The following PCDHB16 variants were observed in gnomAD, a reference collection of about 807,000 sequenced individuals.
PCDHB16 encodes protocadherin beta-16.
For missense variants in PCDHB16, 1,026 were observed against 989.9 expected, an observed-to-expected ratio of 1.04 and a Z score of -0.49; for synonymous variants, 444 against 436.5, an observed-to-expected ratio of 1.02 and a Z score of -0.21.
In PCDHB16 at chr5:141,185,695, G is replaced by C. The variant is rs951460721; in HGVS notation, c.*805G>C. On this transcript the variant is annotated 3_prime_UTR_variant, in exon 1 of 1. Transcript: ENST00000609684. ...TGGGATTACAGGCATAAGCCAATGT[G>C]CCCATCCAAAGTTTTATTTATTTAT... 1 of 994,654 alleles carries C rather than the reference G, an allele frequency of 1.0e-6. No homozygotes were observed. Among genetic ancestry groups the C allele is most frequent in the Admixed American group, 6.2e-5 (1 of 16,248 alleles). 61.6% of individuals were successfully genotyped at this position (994,654 alleles called of 1,614,324 possible). A position where few individuals can be genotyped will look rare whatever the true frequency, so the allele number is the denominator to read the frequency against.
chr5:141,183,299 A>G lies in PCDHB16; in HGVS notation c.740A>G (p.Tyr247Cys), dbSNP rs1554282118. ...DNAPEFEQPIYKVQIPENSPL... is the reference protein window; with the variant it reads ...DNAPEFEQPICKVQIPENSPL... ...GCTCCTGAGTTTGAGCAGCCCATCT[A>G]CAAAGTGCAGATTCCAGAGAACAGT... The change falls in exon 1 of 1, where the codon TAC becomes TGC. Residue 247 changes from tyrosine (Y) to cysteine (C), a missense_variant. Tyr to Cys is a radical substitution (Grantham distance 194, BLOSUM62 -2). Transcript: ENST00000609684. 3 of 1,614,190 alleles carry G rather than the reference A, an allele frequency of 1.9e-6. No homozygotes were observed. The highest frequency in any genetic ancestry group is 1.1e-5 in the South Asian group (1 of 91,084).
chr5:141,183,216 T>C lies in PCDHB16; in HGVS notation c.657T>C (p.Ser219=), dbSNP rs1306779075. Residue 219 remains serine (S), a synonymous_variant, in exon 1 of 1, where the codon TCT becomes TCC. Coordinates refer to ENST00000609684, the MANE Select transcript of PCDHB16 (RefSeq NM_020957.4). ...CCCTGACAGCGCTGGATGGTGGCTC[T>C]CCACCGCGATCTGGAACTGCTCAGG... ...RLTLTALDGG[S]PPRSGTAQVR... 3.7e-6 allele frequency: 6 copies of C among 1,613,970 alleles called. No homozygotes were observed. The African/African-American group carries it at 8.0e-5, about 22-fold the overall frequency.
chr5:141,183,090 T>C lies in PCDHB16; in HGVS notation c.531T>C (p.His177=). ...ACTATAAAATCAGCCCAAGCTCTCA[T>C]TTCCGGGTTCTAATCCATGAATTCA... The part of the protein sequence containing the change: ...VQNYKISPSS[H]FRVLIHEFRD... The change falls in exon 1 of 1, where the codon CAT becomes CAC. Residue 177 remains histidine (H), a synonymous_variant. Coordinates refer to ENST00000609684, the MANE Select transcript of PCDHB16 (RefSeq NM_020957.4). 2 of 1,614,204 alleles carry C rather than the reference T, an allele frequency of 1.2e-6. No individual in the cohort carries two copies. The highest frequency in any genetic ancestry group is 1.7e-6 in the Non-Finnish European group (2 of 1,180,036).
Position 141,183,515 on chromosome 5 carries a change from T to A in PCDHB16, c.956T>A (p.Ile319Asn). ...ATGGTTACGTCTTATGAAGTGCGCA[T>A]CAAAGCCACAGATGGGGGAGGTCTT... Reference protein sequence around the residue: ...FEMVTSYEVRIKATDGGGLSG... With the variant: ...FEMVTSYEVRNKATDGGGLSG... The change falls in exon 1 of 1, where the codon ATC (isoleucine) becomes AAC (asparagine). Residue 319 changes from isoleucine to asparagine, a missense_variant. By Grantham distance (149) the Ile-to-Asn change is moderately radical. Transcript: ENST00000609684. 1 of 1,614,180 alleles carries A rather than the reference T, an allele frequency of 6.2e-7. No individual in the cohort carries two copies. Among genetic ancestry groups the A allele is most frequent in the South Asian group, 1.1e-5 (1 of 91,084 alleles).
chr5:141,184,030 C>T lies in PCDHB16; in HGVS notation c.1471C>T (p.Leu491=). Residue 491 remains leucine, a synonymous_variant, in exon 1 of 1, where the codon CTG becomes TTG. Transcript: ENST00000609684. ...GTNAQVTYSL[L]PPQDPHLPLA... ...CAACGCCCAGGTCACCTACTCGCTG[C>T]TGCCGCCCCAAGACCCGCACCTGCC... 1.2e-6 allele frequency: 2 copies of T among 1,604,852 alleles called. No individual in the cohort carries two copies. Among genetic ancestry groups the T allele is most frequent in the South Asian group, 2.2e-5 (2 of 90,522 alleles).
In PCDHB16 at chr5:141,184,822, C is replaced by T; in HGVS notation, c.2263C>T (p.Leu755=). The part of the protein sequence containing the change: ...LSQSYQYEVC[L]TGGSETSEFK... ...CCAGAGCTACCAATACGAGGTGTGT[C>T]TGACAGGAGGCTCAGAAACAAGTGA... The change falls in exon 1 of 1, where the codon CTG becomes TTG. Residue 755 remains leucine, a synonymous_variant. Transcript: ENST00000609684. The T allele has an allele frequency of 6.2e-7, 1 of 1,614,192 alleles. No individual in the cohort carries two copies. Among genetic ancestry groups the T allele is most frequent in the Non-Finnish European group, 8.5e-7 (1 of 1,180,036 alleles).
Position 141,183,812 on chromosome 5 carries a change from A to G in PCDHB16, c.1253A>G (p.Asn418Ser). The change falls in exon 1 of 1, where the codon AAT becomes AGT. Residue 418 changes from asparagine (N) to serine (S), a missense_variant. By Grantham distance (46) the Asn-to-Ser change is conservative. Coordinates refer to ENST00000609684, the MANE Select transcript of PCDHB16 (RefSeq NM_020957.4). Reference sequence around the variant, plus strand: ...GACAGAGAAGCAAGAGCTGAATATAATATCACCCTCACCGTCACAGATATG... The same window carrying G: ...GACAGAGAAGCAAGAGCTGAATATAGTATCACCCTCACCGTCACAGATATG... ...ALDREARAEYNITLTVTDMGT... is the reference protein window; with the variant it reads ...ALDREARAEYSITLTVTDMGT... The G allele has an allele frequency of 1.2e-6, 2 of 1,614,224 alleles. No homozygotes were observed. The highest frequency in any genetic ancestry group is 1.7e-6 in the Non-Finnish European group (2 of 1,180,028).
In PCDHB16 at chr5:141,182,535, T is replaced by G; in HGVS notation, c.-25T>G. The G allele has an allele frequency of 6.6e-7, 1 of 1,509,822 alleles. No individual in the cohort carries two copies. Among genetic ancestry groups the G allele is most frequent in the Non-Finnish European group, 8.8e-7 (1 of 1,130,012 alleles). The allele number at this position is 1,509,822 out of a possible 1,614,324, so 93.5% of individuals were successfully genotyped here. A position where few individuals can be genotyped will look rare whatever the true frequency, so the allele number is the denominator to read the frequency against. On this transcript the variant is annotated 5_prime_UTR_variant, in exon 1 of 1. The change abolishes the stop of an existing upstream ORF in the 5' untranslated region. Coordinates refer to ENST00000609684, the MANE Select transcript of PCDHB16 (RefSeq NM_020957.4). The stretch of plus-strand genomic sequence containing the variant: ...ATCCTGGGGATACATGAAGCTTCTG[T>G]GAACCAACTTTTCAAGAAAAAGCAA...
In PCDHB16 at chr5:141,184,993, G is replaced by T; in HGVS notation, c.*103G>T. On this transcript the variant is annotated 3_prime_UTR_variant, in exon 1 of 1. Coordinates refer to ENST00000609684, the MANE Select transcript of PCDHB16 (RefSeq NM_020957.4). ...ATAAATTCCTTAACTTCTTATGATTGTCTTGTTGATTAAATTGTTCATGCT... is the reference window on the plus strand; with the variant it reads ...ATAAATTCCTTAACTTCTTATGATTTTCTTGTTGATTAAATTGTTCATGCT... The T allele has an allele frequency of 6.7e-7, 1 of 1,493,790 alleles. No homozygotes were observed. The highest frequency in any genetic ancestry group is 1.4e-5 in the South Asian group (1 of 71,690). 92.5% of individuals were successfully genotyped at this position (1,493,790 alleles called of 1,614,324 possible). A position where few individuals can be genotyped will look rare whatever the true frequency, so the allele number is the denominator to read the frequency against.
chr5:141,185,615 C>T lies in PCDHB16; in HGVS notation c.*725C>T. Reference sequence around the variant, plus strand: ...ATGGGATTTTGCCAAGTTGCCCAGGCTGATCTTGAACTCCTGGGCTCAAGC... The same window carrying T: ...ATGGGATTTTGCCAAGTTGCCCAGGTTGATCTTGAACTCCTGGGCTCAAGC... On this transcript the variant is annotated 3_prime_UTR_variant, in exon 1 of 1. Coordinates refer to ENST00000609684, the MANE Select transcript of PCDHB16 (RefSeq NM_020957.4). The T allele has an allele frequency of 1.7e-6, 1 of 577,838 alleles. No individual in the cohort carries two copies. The highest frequency in any genetic ancestry group is 2.2e-6 in the Non-Finnish European group (1 of 452,528). 35.8% of individuals were successfully genotyped at this position (577,838 alleles called of 1,614,324 possible). A position where few individuals can be genotyped will look rare whatever the true frequency, so the allele number is the denominator to read the frequency against.
chr5:141,182,634 G>A lies in PCDHB16; in HGVS notation c.75G>A (p.Gly25=). 1 of 1,577,134 alleles carries A rather than the reference G, an allele frequency of 6.3e-7. No homozygotes were observed. The highest frequency in any genetic ancestry group is 8.6e-7 in the Non-Finnish European group (1 of 1,163,308). ...TCTTTGTTTTGCTGAGCTTGTCTGG[G>A]GCGGGCGCCGAGTTGGGGTCCTATT... is the stretch of plus-strand genomic sequence containing the variant. The part of the protein sequence containing the change: ...LVFFVLLSLS[G]AGAELGSYSV... Residue 25 remains glycine (G), a synonymous_variant, in exon 1 of 1, where the codon GGG becomes GGA. Coordinates refer to ENST00000609684, the MANE Select transcript of PCDHB16 (RefSeq NM_020957.4).
rs782663949 is a variant in PCDHB16, at chr5:141,183,509, T to G, written c.950T>G (p.Val317Gly). The G allele has an allele frequency of 5.6e-6, 9 of 1,614,184 alleles. No homozygotes were observed. Among genetic ancestry groups the G allele is most frequent in the Non-Finnish European group, 7.6e-6 (9 of 1,180,028 alleles). The change falls in exon 1 of 1, where the codon GTG (valine) becomes GGG (glycine). Residue 317 changes from valine to glycine, a missense_variant. Transcript: ENST00000609684. ...TTCGAAATGGTTACGTCTTATGAAG[T>G]GCGCATCAAAGCCACAGATGGGGGA... Reference protein sequence around the residue: ...VDFEMVTSYEVRIKATDGGGL... With the variant: ...VDFEMVTSYEGRIKATDGGGL...
chr5:141,183,744 T>A lies in PCDHB16; in HGVS notation c.1185T>A (p.Pro395=). The change falls in exon 1 of 1, where the codon CCT becomes CCA. Residue 395 remains proline (P), a synonymous_variant. Coordinates refer to ENST00000609684, the MANE Select transcript of PCDHB16 (RefSeq NM_020957.4). ...IQEDLPFLLK[P]SVKNFYTLVT... ...AAGACCTTCCCTTTCTTCTAAAACC[T>A]TCAGTCAAGAACTTTTACACCTTGG... is the stretch of plus-strand genomic sequence containing the variant. 6.2e-7 allele frequency: 1 copy of A among 1,614,116 alleles called. No homozygotes were observed. The highest frequency in any genetic ancestry group is 8.5e-7 in the Non-Finnish European group (1 of 1,180,020).
chr5:141,186,188 T>G lies in PCDHB16; in HGVS notation c.*1298T>G, dbSNP rs1465860884. On this transcript the variant is annotated 3_prime_UTR_variant, in exon 1 of 1. Coordinates refer to ENST00000609684, the MANE Select transcript of PCDHB16 (RefSeq NM_020957.4). The stretch of plus-strand genomic sequence containing the variant: ...GTAAAGTTGAGCTTCTTTCTAGATA[T>G]TAGGCCTTTGAATAAAATTCTATGT... The G allele has an allele frequency of 1.0e-6, 1 of 992,190 alleles. No homozygotes were observed. Among genetic ancestry groups the G allele is most frequent in the East Asian group, 1.1e-4 (1 of 8,798 alleles). 61.5% of individuals were successfully genotyped at this position (992,190 alleles called of 1,614,324 possible).
chr5:141,183,453 A>G lies in PCDHB16; in HGVS notation c.894A>G (p.Thr298=), dbSNP rs781814787. Residue 298 remains threonine, a synonymous_variant, in exon 1 of 1, where the codon ACA becomes ACG. Transcript: ENST00000609684. The part of the protein sequence containing the change: ...ISKTLEVNPM[T]GEVRLRKQVD... ...AAACTTTGGAGGTAAATCCTATGAC[A>G]GGGGAAGTTCGACTGAGAAAGCAAG... The G allele has an allele frequency of 1.2e-6, 2 of 1,614,166 alleles. No homozygotes were observed. Among genetic ancestry groups the G allele is most frequent in the Non-Finnish European group, 1.7e-6 (2 of 1,180,036 alleles).
chr5:141,184,636 G>T lies in PCDHB16; in HGVS notation c.2077G>T (p.Ala693Ser), dbSNP rs782566843. The change falls in exon 1 of 1, where the codon GCG becomes TCG. Residue 693 changes from alanine (A) to serine (S), a missense_variant. Physicochemically the swap from Ala to Ser is moderately conservative, Grantham distance 99. Transcript: ENST00000609684. ...CTCGCTCACTGTCTACCTGGTGGTGGCGTTGGCCTCGGTGTCGTCGCTCTT... is the reference window on the plus strand; with the variant it reads ...CTCGCTCACTGTCTACCTGGTGGTGTCGTTGGCCTCGGTGTCGTCGCTCTT... The part of the protein sequence containing the change: ...ANSLTVYLVV[A>S]LASVSSLFLF... 8.1e-6 allele frequency: 13 copies of T among 1,612,652 alleles called. No individual in the cohort carries two copies. The South Asian group carries it at 1.4e-4, about 18-fold the overall frequency.
In PCDHB16 at chr5:141,183,672, A is replaced by G. The variant is rs573669933; in HGVS notation, c.1113A>G (p.Ser371=). The G allele has an allele frequency of 3.7e-6, 6 of 1,614,162 alleles. No individual in the cohort carries two copies. In the African/African-American group the frequency reaches 5.3e-5, roughly 14 times the overall value. The change falls in exon 1 of 1, where the codon TCA becomes TCG. Residue 371 remains serine, a synonymous_variant. Transcript: ENST00000609684. ...PEIVVAVFSV[S]DPDSGNNGKT... ...TAGTAGTTGCTGTTTTCAGCGTTTC[A>G]GATCCTGACTCCGGAAACAATGGGA...
At position 141,183,520 on chromosome 5, in the gene PCDHB16, G is replaced by C. The variant is rs781999589; in HGVS notation, c.961G>C (p.Ala321Pro). 15 of 1,614,194 alleles carry C rather than the reference G, an allele frequency of 9.3e-6. No homozygotes were observed. The South Asian group carries it at 1.5e-4, about 17-fold the overall frequency. Reference protein sequence around the residue: ...MVTSYEVRIKATDGGGLSGKC... With the variant: ...MVTSYEVRIKPTDGGGLSGKC... ...TACGTCTTATGAAGTGCGCATCAAA[G>C]CCACAGATGGGGGAGGTCTTTCAGG... The change falls in exon 1 of 1, where the codon GCC becomes CCC. Residue 321 changes from alanine (A) to proline (P), a missense_variant. Transcript: ENST00000609684.
In PCDHB16 at chr5:141,183,355, G is replaced by T. The variant is rs782697268; in HGVS notation, c.796G>T (p.Ala266Ser). 2 of 1,614,108 alleles carry T rather than the reference G, an allele frequency of 1.2e-6. No homozygotes were observed. The highest frequency in any genetic ancestry group is 1.7e-6 in the Non-Finnish European group (2 of 1,180,028). ...PLGSLVATVS[A>S]RDLDGGANGK... is the part of the protein sequence containing the mutation. ...TGGCTCCCTGGTTGCCACCGTCTCC[G>T]CCAGGGATTTAGACGGCGGAGCCAA... is the stretch of plus-strand genomic sequence containing the variant. Residue 266 changes from alanine (A) to serine (S), a missense_variant, in exon 1 of 1, where the codon GCC (alanine) becomes TCC (serine). Transcript: ENST00000609684.
Sources: allele counts gnomAD v4.1 joint callset, GRCh38; gene constraint gnomAD v4.1.1; transcripts MANE v1.5; gene names NCBI Gene and HGNC (gene_info 2026-07-23, HGNC 2026-07-21).